The following SESN1 variants were observed in gnomAD, a reference collection of about 807,000 sequenced individuals.
SESN1 encodes sestrin-1.
In SESN1, 30 loss-of-function variants were observed where a neutral mutation model predicts 59.3. The ratio of observed to expected loss-of-function variants is 0.51; its 90% CI spans 0.38 to 0.69. SESN1 has a LOEUF of 0.69. Ranked by LOEUF, SESN1 falls within the 30% of genes least tolerant of loss-of-function variation. SESN1 has a pLI of 0.00. For missense variants in SESN1, 566 were observed against 673.0 expected (o/e 0.84, Z 1.76); for synonymous variants, 197 against 219.9 (o/e 0.90, Z 0.92).
intron 6 of SESN1, among the ~76,000 whole-genome samples, chr6:108,993,594 C>T (rs1487296951): frequency 6.6e-6 from 1 of 152,140 alleles, no homozygotes; most frequent in Non-Finnish European, 1.5e-5. Flanking sequence ...TGTCAAAATA[C>T]ATCTGGAGAC....
At chr6:109,057,262 T>TAATC (rs1238430811) in intron 1 of SESN1, among the ~76,000 whole-genome samples, 1 of 152,200 alleles carries the variant, frequency 6.6e-6, no homozygotes. Context: ...CTGATATGTT[T>TAATC]TAGGGTAATT....
chr6:109,015,171 T>C (rs1779911927), intron 1 of SESN1, among the ~76,000 whole-genome samples: 1 of 152,170 alleles, frequency 6.6e-6, no homozygotes, highest in Non-Finnish European at 1.5e-5. Context: ...CCTGCCTGTT[T>C]ATAGGCAGGC....
intron 1 of SESN1, among the ~76,000 whole-genome samples, chr6:109,079,076 T>C (rs17070144): frequency 0.16 from 23,886 of 151,670 alleles, 2,172 homozygotes; most frequent in Middle Eastern, 0.25. Flanking sequence ...TAATTACCAC[T>C]AAGAGAATAA....
intron 1 of SESN1, chr6:109,009,297 G>T: frequency 1.4e-6 from 2 of 1,399,212 alleles, no homozygotes; most frequent in South Asian, 1.4e-5. Context: ...GCACAGGGCA[G>T]CTCGGCCGGG....
rs766960454 is a variant in SESN1, at chr6:108,988,606, A to G, written c.1506T>C (p.Thr502=). The G allele has an allele frequency of 1.6e-5, 26 of 1,613,248 alleles. No individual in the cohort carries two copies. Among genetic ancestry groups the G allele is most frequent in the Non-Finnish European group, 2.1e-5 (25 of 1,179,668 alleles). ...ACATTCTTTTGGTAACCTTTTCAGG[A>G]GTGCAAACAACAGTTTTGATATAAA... is the stretch of plus-strand genomic sequence containing the variant. ...FKVYIKTVVC[T]PEKVTKRMYD... The change falls in exon 9 of 10, where the codon ACT becomes ACC. Residue 502 remains threonine, a synonymous_variant. Transcript: ENST00000436639.
chr6:108,994,487 T>C lies in SESN1; in HGVS notation c.1095A>G (p.Arg365=). Residue 365 remains arginine (R), a synonymous_variant, in exon 6 of 10, where the codon AGA becomes AGG. Transcript: ENST00000436639. ...CTGAAGAGAAGACAAACATACTCTC[T>C]CTTTTTTCTATTTCAAAACGTGAAG... ...EMASRFEIEK[R]ESMFVFSSDD... is the part of the protein sequence containing the mutation. The C allele has an allele frequency of 5.6e-6, 9 of 1,613,066 alleles. No individual in the cohort carries two copies. Among genetic ancestry groups the C allele is most frequent in the Non-Finnish European group, 7.6e-6 (9 of 1,179,424 alleles).
At position 109,094,147 on chromosome 6, in the gene SESN1, A is replaced by T; in HGVS notation, c.-74T>A. 7.0e-7 allele frequency: 1 copy of T among 1,428,774 alleles called. No individual in the cohort carries two copies. Among genetic ancestry groups the T allele is most frequent in the Non-Finnish European group, 9.5e-7 (1 of 1,054,846 alleles). The allele number at this position is 1,428,774 out of a possible 1,614,324, so 88.5% of individuals were successfully genotyped here. A position where few individuals can be genotyped will look rare whatever the true frequency, so the allele number is the denominator to read the frequency against. On this transcript the variant is annotated 5_prime_UTR_variant, in exon 1 of 10. Transcript: ENST00000436639. Reference sequence around the variant, plus strand: ...AAAAAAATTGCTTTGTATTTTTAAAATGAAAAATGTAAAAATAAAATCAGA... The same window carrying T: ...AAAAAAATTGCTTTGTATTTTTAAATTGAAAAATGTAAAAATAAAATCAGA...
At position 109,061,520 on chromosome 6, in the gene SESN1, C is replaced by A. The variant is rs1168102983; in HGVS notation, c.279+32275G>T. On this transcript the variant is annotated intron_variant, in intron 1 of 9. Coordinates refer to ENST00000436639, the MANE Select transcript of SESN1 (RefSeq NM_014454.3). The stretch of plus-strand genomic sequence containing the variant: ...CATCTTCCTCTTTTAAATTAATTAA[C>A]CTGCTGGGTGAGGTGGCTCATACCT... Among the ~76,000 whole-genome samples the A allele has an allele frequency of 2.6e-5, 4 of 152,232 alleles. No individual in the cohort carries two copies. In the East Asian group the frequency reaches 7.7e-4, roughly 29 times the overall value.
chr6:109,009,581 C>G (rs1363252616), intron 1 of SESN1: 2 of 1,085,104 alleles, frequency 1.8e-6, no homozygotes, highest in Non-Finnish European at 2.2e-6. Flanking sequence ...CGCCGACAAA[C>G]AAGCCGCGCG....
intron 1 of SESN1, among the ~76,000 whole-genome samples, chr6:109,037,530 T>C (rs769820071): frequency 4.6e-5 from 7 of 152,196 alleles, no homozygotes; most frequent in Non-Finnish European, 7.3e-5. Context: ...TGTGATGTAA[T>C]AATTACAGAA....
intron 1 of SESN1, among the ~76,000 whole-genome samples, chr6:109,009,767 T>G (rs1336700959): frequency 6.6e-6 from 1 of 151,852 alleles, no homozygotes. Flanking sequence ...AATTCTCAGG[T>G]ACGGAATGGG....
intron 1 of SESN1, among the ~76,000 whole-genome samples, chr6:109,044,311 C>CCAAAAAAA (rs1780388697): frequency 7.0e-5 from 2 of 28,472 alleles, no homozygotes; most frequent in African/African-American, 4.0e-4. Flanking sequence ...GAACTTGCCT[C>CCAAAAAAA]AAAAAAAAAA....
At chr6:109,089,420 T>C (rs1781271879) in intron 1 of SESN1, among the ~76,000 whole-genome samples, 1 of 152,206 alleles carries the variant, frequency 6.6e-6, no homozygotes, top group Admixed American at 6.5e-5. Flanking sequence ...TAAAGTTACA[T>C]AGATTTTCAT....
At chr6:108,997,391 T>C in intron 5 of SESN1, among the ~76,000 whole-genome samples, 1 of 152,168 alleles carries the variant, frequency 6.6e-6, no homozygotes, top group East Asian at 1.9e-4. Flanking sequence ...TGAAAAATAA[T>C]CAGTGGCCAT....
chr6:109,058,756 C>A (rs989298582), intron 1 of SESN1, among the ~76,000 whole-genome samples: 2 of 152,078 alleles, frequency 1.3e-5, no homozygotes, highest in African/African-American at 4.8e-5. Context: ...GACAGGAAAT[C>A]CCGATCCACA....
At chr6:109,006,618 T>C (rs1283536274) in intron 1 of SESN1, among the ~76,000 whole-genome samples, 1 of 152,174 alleles carries the variant, frequency 6.6e-6, no homozygotes, top group Non-Finnish European at 1.5e-5. Flanking sequence ...TCATTATTAT[T>C]CTTTTGAGCC....
chr6:109,049,964 A>G (rs2114438827), intron 1 of SESN1, among the ~76,000 whole-genome samples: 1 of 152,316 alleles, frequency 6.6e-6, no homozygotes, highest in East Asian at 1.9e-4. Context: ...AAGAAATTTT[A>G]AAATGAAGAT....
At chr6:109,075,826 T>A (rs1355996195) in intron 1 of SESN1, among the ~76,000 whole-genome samples, 1 of 152,114 alleles carries the variant, frequency 6.6e-6, no homozygotes, top group East Asian at 1.9e-4. Context: ...AAAAACTAAT[T>A]CAGTTGTTAA....
At chr6:109,006,875 C>G (rs911826322) in intron 1 of SESN1, among the ~76,000 whole-genome samples, 1 of 152,164 alleles carries the variant, frequency 6.6e-6, no homozygotes, top group Non-Finnish European at 1.5e-5. Flanking sequence ...TAGGTTAATT[C>G]AATTATTCCT....
Sources: allele counts gnomAD v4.1 joint callset (sites outside exome capture counted in the v4.1 genomes callset), GRCh38; gene constraint gnomAD v4.1.1; transcripts MANE v1.5; gene names NCBI Gene and HGNC (gene_info 2026-07-23, HGNC 2026-07-21).